Variants in PTPN13 observed in about 807,000 individuals in gnomAD.
The protein encoded by PTPN13 is protein tyrosine phosphatase non-receptor type 13, also known as tyrosine-protein phosphatase non-receptor type 13.
In PTPN13, 191 loss-of-function variants were observed where a neutral mutation model predicts 284.0. That is an observed-to-expected ratio of 0.67 (90% confidence interval 0.60 to 0.76). PTPN13 has a LOEUF of 0.76. Among genes scored for constraint, PTPN13 ranks in the 30% least tolerant of loss-of-function variants. The probability of loss-of-function intolerance (pLI) is 0.00; values close to 1 mark genes in which losing one functional copy is unlikely to be tolerated. For missense variants in PTPN13, 2,797 were observed against 2,939.9 expected, an observed-to-expected ratio of 0.95 and a Z score of 1.12; for synonymous variants, 986 against 1,022.3, an observed-to-expected ratio of 0.96 and a Z score of 0.68.
At position 86,644,567 on chromosome 4, in the gene PTPN13, C is replaced by T. The variant is rs142573917; in HGVS notation, c.115+9196C>T. On this transcript the variant is annotated intron_variant, in intron 2 of 47. Coordinates refer to ENST00000411767, the MANE Select transcript of PTPN13 (RefSeq NM_080683.3). ...CACTTCTATACAAACACTAATAGAA[C>T]ATTGAAGAGAAGGATGTACTTCCCA... Among the ~76,000 whole-genome samples the T allele has an allele frequency of 3.2e-4, 48 of 152,230 alleles. 1 individual carries two copies. Among genetic ancestry groups the T allele is most frequent in the African/African-American group, 1.1e-3 (46 of 41,540 alleles).
intron 2 of PTPN13, among the ~76,000 whole-genome samples, chr4:86,667,548 A>G (rs1354361956): frequency 6.6e-6 from 1 of 152,188 alleles, no homozygotes; most frequent in Non-Finnish European, 1.5e-5. Flanking sequence ...ATGTAGGGGA[A>G]CTATTCTGAA....
At chr4:86,613,315 G>A (rs1720139988) in intron 1 of PTPN13, among the ~76,000 whole-genome samples, 1 of 152,186 alleles carries the variant, frequency 6.6e-6, no homozygotes, top group African/African-American at 2.4e-5. Flanking sequence ...AAATAGTTTA[G>A]ACACACAGTG....
chr4:86,679,484 C>T (rs959188762), intron 3 of PTPN13, among the ~76,000 whole-genome samples: 2 of 152,184 alleles, frequency 1.3e-5, no homozygotes, highest in African/African-American at 4.8e-5. Context: ...GTTCTTAGGC[C>T]CTACCCCAGA....
chr4:86,636,255 G>C (rs1175393353), intron 2 of PTPN13, among the ~76,000 whole-genome samples: 1 of 152,152 alleles, frequency 6.6e-6, no homozygotes, highest in East Asian at 1.9e-4. Context: ...CAAGTATTTT[G>C]GTGTTTCCCT....
At position 86,745,012 on chromosome 4, in the gene PTPN13, G is replaced by A. The variant is rs1304585943; in HGVS notation, c.2534G>A (p.Gly845Asp). 2 of 1,599,790 alleles carry A rather than the reference G, an allele frequency of 1.3e-6. No individual in the cohort carries two copies. The highest frequency in any genetic ancestry group is 1.7e-6 in the Non-Finnish European group (2 of 1,172,550). ...AATACATCAGATGGAATAAAACATG[G>A]CTTCCAGACAGACAACAGTAAGATA... Reference protein sequence around the residue: ...LQNTSDGIKHGFQTDNSKICQ... With the variant: ...LQNTSDGIKHDFQTDNSKICQ... The change falls in exon 17 of 48, where the codon GGC (glycine) becomes GAC (aspartate). Residue 845 changes from glycine (G) to aspartate (D), a missense_variant. By Grantham distance (94) the Gly-to-Asp change is moderately conservative (BLOSUM62 -1). Transcript: ENST00000411767.
chr4:86,657,886 C>T lies in PTPN13; in HGVS notation c.116-14479C>T, dbSNP rs528385419. On this transcript the variant is annotated intron_variant, in intron 2 of 47. Coordinates refer to ENST00000411767, the MANE Select transcript of PTPN13 (RefSeq NM_080683.3). ...ACTCCATCCTCCACATAGAAGATGT[C>T]TCCCCAAGAGCTGCACTGCCTGGAA... is the stretch of plus-strand genomic sequence containing the variant. Among the ~76,000 whole-genome samples the T allele has an allele frequency of 3.3e-5, 5 of 152,316 alleles. No homozygotes were observed. In the South Asian group the frequency reaches 1.0e-3, roughly 32 times the overall value.
chr4:86,609,191 G>A (rs546183852), intron 1 of PTPN13, among the ~76,000 whole-genome samples: 8 of 152,044 alleles, frequency 5.3e-5, no homozygotes, highest in African/African-American at 9.6e-5. Flanking sequence ...TTTTTCTTAC[G>A]AGTCATGTAC....
intron 12 of PTPN13, among the ~76,000 whole-genome samples, chr4:86,733,232 A>G (rs1735132519): frequency 6.6e-6 from 1 of 152,096 alleles, no homozygotes; most frequent in African/African-American, 2.4e-5. Context: ...TAAATATTGT[A>G]TCCACTTAAA....
At position 86,676,936 on chromosome 4, in the gene PTPN13, G is replaced by A. The variant is rs368714374; in HGVS notation, c.294+4393G>A. ...GCAAGGTGAAAAAGTTCCAGAGATT[G>A]TTGCACAACAGTGTAAATATGCTTA... On this transcript the variant is annotated intron_variant, in intron 3 of 47. Transcript: ENST00000411767. Among the ~76,000 whole-genome samples, 86 of 152,202 alleles carry A rather than the reference G, an allele frequency of 5.7e-4. No homozygotes were observed. In the Middle Eastern group the frequency reaches 0.024, roughly 42 times the overall value.
At chr4:86,796,287 A>T (rs1286690022) in intron 40 of PTPN13, among the ~76,000 whole-genome samples, 1 of 152,168 alleles carries the variant, frequency 6.6e-6, no homozygotes, top group African/African-American at 2.4e-5. Context: ...TCATTAATTC[A>T]CACTTTCATC....
intron 10 of PTPN13, among the ~76,000 whole-genome samples, chr4:86,729,802 G>T (rs1467664835): frequency 1.3e-5 from 2 of 149,520 alleles, no homozygotes; most frequent in Admixed American, 1.3e-4. Flanking sequence ...CTTTAGCTCA[G>T]AGAAGTTTAT....
intron 1 of PTPN13, among the ~76,000 whole-genome samples, chr4:86,619,277 A>T (rs1720948164): frequency 6.6e-6 from 1 of 152,224 alleles, no homozygotes; most frequent in African/African-American, 2.4e-5. Context: ...GAGTAAGCCC[A>T]AATAACTTCT....
chr4:86,670,171 CTT>C (rs201314867), intron 2 of PTPN13, among the ~76,000 whole-genome samples: 5,484 of 110,092 alleles, frequency 0.05, 135 homozygotes, highest in African/African-American at 0.06. Flanking sequence ...TATCTTAATT[CTT>C]TTTTTTTTTT....
intron 42 of PTPN13, among the ~76,000 whole-genome samples, chr4:86,803,170 C>T (rs972242548): frequency 2.7e-4 from 40 of 150,404 alleles, no homozygotes; most frequent in African/African-American, 9.5e-4. Context: ...TTTATATATA[C>T]ACATACATAC....
intron 1 of PTPN13, among the ~76,000 whole-genome samples, chr4:86,631,734 A>G (rs1200300641): frequency 1.3e-5 from 2 of 152,208 alleles, no homozygotes; most frequent in Non-Finnish European, 2.9e-5. Flanking sequence ...CAATCAAGCA[A>G]CAGAGGTATA....
At chr4:86,743,974 C>T (rs1392707549) in intron 16 of PTPN13, among the ~76,000 whole-genome samples, 1 of 152,162 alleles carries the variant, frequency 6.6e-6, no homozygotes, top group Non-Finnish European at 1.5e-5. Context: ...ACACTGGTCT[C>T]TTAAGGCATG....
intron 20 of PTPN13, among the ~76,000 whole-genome samples, chr4:86,756,444 C>T (rs1415439770): frequency 6.6e-6 from 1 of 152,050 alleles, no homozygotes; most frequent in African/African-American, 2.4e-5. Context: ...ATGTAAAGTA[C>T]TTCACACCAT....
At chr4:86,769,154 T>G (rs990856529) in intron 28 of PTPN13, among the ~76,000 whole-genome samples, 3 of 152,342 alleles carry the variant, frequency 2.0e-5, no homozygotes, top group Admixed American at 1.3e-4. Context: ...AATATTGCAA[T>G]TTATCTGAGT....
At position 86,775,268 on chromosome 4, in the gene PTPN13, T is replaced by C. The variant is rs773053422; in HGVS notation, c.5606T>C (p.Leu1869Pro). 10 of 1,613,786 alleles carry C rather than the reference T, an allele frequency of 6.2e-6. No homozygotes were observed. Among genetic ancestry groups the C allele is most frequent in the Non-Finnish European group, 8.5e-6 (10 of 1,179,740 alleles). Residue 1869 changes from leucine to proline, a missense_variant, in exon 34 of 48, where the codon CTA becomes CCA. Leu to Pro is a moderately conservative substitution (Grantham distance 98). Transcript: ENST00000411767. Reference sequence around the variant, plus strand: ...GTCAGATTAGTTATTGGACGAGTTCTAGAATTACCCAGAATACCAATGTTG... The same window carrying C: ...GTCAGATTAGTTATTGGACGAGTTCCAGAATTACCCAGAATACCAATGTTG... ...KTVRLVIGRV[L>P]ELPRIPMLPH... is the part of the protein sequence containing the mutation.
Sources: allele counts gnomAD v4.1 joint callset (sites outside exome capture counted in the v4.1 genomes callset), GRCh38; gene constraint gnomAD v4.1.1; transcripts MANE v1.5; gene names NCBI Gene and HGNC (gene_info 2026-07-23, HGNC 2026-07-21).